Variants in ANXA6 observed in about 807,000 individuals in gnomAD.
ANXA6 encodes annexin A6.
A neutral mutation model predicts 95.4 loss-of-function variants in ANXA6; 71 were observed. The ratio of observed to expected loss-of-function variants is 0.74; its 90% CI spans 0.61 to 0.91. The LOEUF (loss-of-function observed/expected upper bound fraction) is 0.91. Ranked by LOEUF, ANXA6 falls within the 40% of genes least tolerant of loss-of-function variation. The probability of loss-of-function intolerance (pLI) is 0.00; values close to 1 mark genes in which losing one functional copy is unlikely to be tolerated. For missense variants in ANXA6, 830 were observed against 876.4 expected (o/e 0.95, Z 0.67); for synonymous variants, 289 against 315.9 (o/e 0.91, Z 0.90).
chr5:151,124,285 C>T lies in ANXA6; in HGVS notation c.1138+1G>A, dbSNP rs1294370468. The stretch of plus-strand genomic sequence containing the variant: ...CCCTGCTCCCTTCCCATCCCCCATA[C>T]CGAGTCCCTTCATGGCTTTCCGCAG... On this transcript the variant is annotated splice_donor_variant, in intron 15 of 25. Transcript: ENST00000354546. LOFTEE classifies it high-confidence loss of function. The T allele has an allele frequency of 6.2e-7, 1 of 1,613,480 alleles. No homozygotes were observed. Among genetic ancestry groups the T allele is most frequent in the South Asian group, 1.1e-5 (1 of 90,900 alleles).
intron 10 of ANXA6, 115 bp downstream of exon 10, chr5:151,132,361 T>G: frequency 1.2e-6 from 1 of 818,980 alleles, no homozygotes; most frequent in Non-Finnish European, 1.9e-6. Context: ...CCCACATGGT[T>G]TTCTCCTTCC....
intron 1 of ANXA6, among the ~76,000 whole-genome samples, chr5:151,153,542 A>G (rs1424411556): frequency 6.6e-6 from 1 of 152,168 alleles, no homozygotes; most frequent in Non-Finnish European, 1.5e-5. Context: ...TCATTTCTCC[A>G]TTAGATAAGG....
At chr5:151,147,740 C>T (rs1766007202) in intron 2 of ANXA6, 144 bp downstream of exon 2, 8 of 837,800 alleles carry the variant, frequency 9.5e-6, no homozygotes, top group Non-Finnish European at 1.5e-5. Context: ...TGACTTGTAA[C>T]AGGAGCAAGC....
At chr5:151,151,418 C>A (rs1054779675) in intron 1 of ANXA6, 3 of 152,194 alleles carry the variant, frequency 2.0e-5, no homozygotes, top group Non-Finnish European at 4.4e-5. Flanking sequence ...GAGAAAGTGA[C>A]TTGCCAGGGC....
In ANXA6 at chr5:151,138,795, G is replaced by T; in HGVS notation, c.205-4C>A. 2 of 1,601,478 alleles carry T rather than the reference G, an allele frequency of 1.2e-6. No homozygotes were observed. Among genetic ancestry groups the T allele is most frequent in the Non-Finnish European group, 1.7e-6 (2 of 1,169,036 alleles). ...ACTTTAAATCAGCAATGAGGTCCTGGCAGGTGGGGAAGAAGAGGAGATAGA... is the reference window on the plus strand; with the variant it reads ...ACTTTAAATCAGCAATGAGGTCCTGTCAGGTGGGGAAGAAGAGGAGATAGA... On this transcript the variant is annotated splice_polypyrimidine_tract_variant and splice_region_variant and intron_variant, in intron 4 of 25. Coordinates refer to ENST00000354546, the MANE Select transcript of ANXA6 (RefSeq NM_001155.5).
chr5:151,111,428 C>T (rs1467366320), intron 20 of ANXA6, among the ~76,000 whole-genome samples: 4 of 152,226 alleles, frequency 2.6e-5, no homozygotes, highest in Non-Finnish European at 4.4e-5. Flanking sequence ...ATAGCCTATA[C>T]TCTGGAAACC....
rs10476762 is a variant in ANXA6 at position 151,137,777 on chromosome 5, G to A, written c.319-456C>T. 4.2e-3 allele frequency among the ~76,000 whole-genome samples: 638 copies of A among 152,252 alleles called. 2 individuals are homozygous for A. Among genetic ancestry groups the A allele is most frequent in the African/African-American group, 0.015 (616 of 41,536 alleles). Reference sequence around the variant, plus strand: ...ACTGGAAGCTTCTTGAGGCCTCCCCGGAAGCAGAAGCCACAATGCTTCCTG... The same window carrying A: ...ACTGGAAGCTTCTTGAGGCCTCCCCAGAAGCAGAAGCCACAATGCTTCCTG... On this transcript the variant is annotated intron_variant, in intron 5 of 25. Transcript: ENST00000354546.
intron 13 of ANXA6, 78 bp downstream of exon 13, chr5:151,128,103 T>A (rs1765379403): frequency 1.6e-6 from 2 of 1,262,226 alleles, no homozygotes; most frequent in Non-Finnish European, 2.3e-6. Context: ...AATCCACCCA[T>A]CAGGATGCGA....
intron 4 of ANXA6, 33 bp downstream of exon 4, chr5:151,139,320 G>T: frequency 6.8e-7 from 1 of 1,463,870 alleles, no homozygotes; most frequent in Non-Finnish European, 9.4e-7. Flanking sequence ...TCTTCCACCC[G>T]CACCCCATGG....
In ANXA6 at chr5:151,117,818, C is replaced by A. The variant is rs1343623811; in HGVS notation, c.1458G>T (p.Glu486Asp). The change falls in exon 19 of 26, where the codon GAG becomes GAT. Residue 486 changes from glutamate to aspartate, a missense_variant. Transcript: ENST00000354546. Reference sequence around the variant, plus strand: ...CAGATGTGTCTGAGCTCAGAGCATCCTCCAGGGACTTGTGATAGTCTGAGG... The same window carrying A: ...CAGATGTGTCTGAGCTCAGAGCATCATCCAGGGACTTGTGATAGTCTGAGG... ...AYKEDYHKSL[E>D]DALSSDTSGH... 6.2e-7 allele frequency: 1 copy of A among 1,613,706 alleles called. No homozygotes were observed. Among genetic ancestry groups the A allele is most frequent in the African/African-American group, 1.3e-5 (1 of 75,062 alleles).
chr5:151,120,041 G>A (rs1292174153), intron 17 of ANXA6, among the ~76,000 whole-genome samples: 1 of 151,988 alleles, frequency 6.6e-6, no homozygotes, highest in Non-Finnish European at 1.5e-5. Flanking sequence ...CACCATGCTT[G>A]GCTAATTTTT....
At chr5:151,149,759 T>C (rs906656211) in intron 1 of ANXA6, among the ~76,000 whole-genome samples, 1 of 152,188 alleles carries the variant, frequency 6.6e-6, no homozygotes, top group Admixed American at 6.5e-5. Flanking sequence ...GCTGGGATTA[T>C]AGGCGTGAGC....
At position 151,136,345 on chromosome 5, in the gene ANXA6, G is replaced by T. The variant is rs865860657; in HGVS notation, c.410-10C>A. On this transcript the variant is annotated splice_polypyrimidine_tract_variant and intron_variant, in intron 6 of 25. Transcript: ENST00000354546. ...AGGTCCCGCTCGTAGGCTGCAGAAA[G>T]GAACGCAAGCTCTAGTCTCATCCCC... 1 of 1,613,690 alleles carries T rather than the reference G, an allele frequency of 6.2e-7. No individual in the cohort carries two copies.
In ANXA6 at chr5:151,101,271, G is replaced by A. The variant is rs905652573; in HGVS notation, c.*177C>T. On this transcript the variant is annotated 3_prime_UTR_variant, in exon 26 of 26. Transcript: ENST00000354546. ...AGCCGCTCAGCCGTGCTGGGCCCTC[G>A]ATGGCCCGTGGGAGTGGGAGCGTTT... is the stretch of plus-strand genomic sequence containing the variant. 4.1e-5 allele frequency: 27 copies of A among 657,678 alleles called. No homozygotes were observed. Among genetic ancestry groups the A allele is most frequent in the Non-Finnish European group, 5.8e-5 (21 of 363,416 alleles). 40.7% of individuals were successfully genotyped at this position (657,678 alleles called of 1,614,324 possible). A position where few individuals can be genotyped will look rare whatever the true frequency, so the allele number is the denominator to read the frequency against.
chr5:151,106,793 C>T (rs1431432627), intron 23 of ANXA6, among the ~76,000 whole-genome samples: 1 of 152,168 alleles, frequency 6.6e-6, no homozygotes, highest in Non-Finnish European at 1.5e-5. Context: ...AACTTCTCTC[C>T]TCTGTAACCA....
chr5:151,117,700 C>T, intron 19 of ANXA6, 58 bp downstream of exon 19: 1 of 1,465,984 alleles, frequency 6.8e-7, no homozygotes, highest in Non-Finnish European at 9.5e-7. Flanking sequence ...AGTAAACCTT[C>T]CCTTCCTCCC....
At chr5:151,124,257 C>A (rs749013305) in intron 15 of ANXA6, 29 bp downstream of exon 15, 2 of 1,608,100 alleles carry the variant, frequency 1.2e-6, no homozygotes, top group East Asian at 2.2e-5. Flanking sequence ...CCCTGGAGAC[C>A]AACCCTGCTC....
rs1267534277 is a variant in ANXA6, at chr5:151,139,424, C to T, written c.133G>A (p.Asp45Asn). The T allele has an allele frequency of 6.8e-6, 11 of 1,613,484 alleles. No individual in the cohort carries two copies. Among genetic ancestry groups the T allele is most frequent in the Non-Finnish European group, 9.3e-6 (11 of 1,179,634 alleles). Residue 45 changes from aspartate to asparagine, a missense_variant, in exon 4 of 26, where the codon GAC becomes AAC. By Grantham distance (23) the Asp-to-Asn change is conservative. Coordinates refer to ENST00000354546, the MANE Select transcript of ANXA6 (RefSeq NM_001155.5). ...CTGTTGCTCCGTGAGGTGATTATGT[C>T]CAGTATGGCCTCCTTGTCACTGCCT... is the stretch of plus-strand genomic sequence containing the variant. ...GFGSDKEAIL[D>N]IITSRSNRQR...
chr5:151,127,432 T>C (rs1404677322), intron 13 of ANXA6, among the ~76,000 whole-genome samples: 6 of 152,334 alleles, frequency 3.9e-5, no homozygotes, highest in African/African-American at 7.2e-5. Context: ...TTCTCTGCCT[T>C]ATTTCTCTCT....
Sources: gnomAD v4.1 joint callset for allele counts (sites outside exome capture counted in the v4.1 genomes callset) on GRCh38, gnomAD v4.1.1 for gene constraint, MANE v1.5 for transcripts, NCBI Gene and HGNC (gene_info 2026-07-23, HGNC 2026-07-21) for gene names.